Variants in DLGAP2 observed in about 807,000 individuals in gnomAD.
DLGAP2 encodes DLG associated protein 2, also known as disks large-associated protein 2.
In DLGAP2, 26 loss-of-function variants were observed where a neutral mutation model predicts 100.3. The ratio of observed to expected loss-of-function variants is 0.26; its 90% CI spans 0.19 to 0.36. The LOEUF is 0.36. DLGAP2 is among the 10% of genes least tolerant of loss of function. The probability of loss-of-function intolerance (pLI) is 1.00; values close to 1 mark genes in which losing one functional copy is unlikely to be tolerated. For missense variants in DLGAP2, 1,858 were observed against 1,453.2 expected (o/e 1.28, Z -4.53); for synonymous variants, 886 against 630.1 (o/e 1.41, Z -6.08).
chr8:1,033,858 T>C (rs377636363), intron 2 of DLGAP2, among the ~76,000 whole-genome samples: 3 of 115,168 alleles, frequency 2.6e-5, no homozygotes, highest in Admixed American at 9.1e-5. Context: ...TCACCGCGAG[T>C]GGGTTCACAG....
At chr8:999,671 G>A (rs567535377) in intron 2 of DLGAP2, among the ~76,000 whole-genome samples, 10 of 151,984 alleles carry the variant, frequency 6.6e-5, no homozygotes, top group Non-Finnish European at 1.2e-4. Context: ...AGTAGAAATG[G>A]GGTTTCACCA....
At chr8:1,243,647 G>A (rs924027347) in intron 2 of DLGAP2, among the ~76,000 whole-genome samples, 3 of 151,932 alleles carry the variant, frequency 2.0e-5, no homozygotes, top group Admixed American at 6.6e-5. Flanking sequence ...TTCATGGCAC[G>A]GTTCCCATGT....
chr8:1,373,845 G>C (rs896571792), intron 3 of DLGAP2: 1 of 152,278 alleles, frequency 6.6e-6, no homozygotes, highest in Non-Finnish European at 1.5e-5. Flanking sequence ...GGTCATATGT[G>C]TATCACAGAC....
chr8:1,387,565 C>G (rs1396015970), intron 3 of DLGAP2, among the ~76,000 whole-genome samples: 1 of 152,180 alleles, frequency 6.6e-6, no homozygotes, highest in Non-Finnish European at 1.5e-5. Context: ...CGCCACTGAA[C>G]TGCACCACTG....
At chr8:1,332,209 T>A (rs1801173023) in intron 3 of DLGAP2, among the ~76,000 whole-genome samples, 2 of 152,148 alleles carry the variant, frequency 1.3e-5, no homozygotes, top group African/African-American at 4.8e-5. Context: ...ATTGTGTGCT[T>A]GTGATGGTTT....
intron 2 of DLGAP2, among the ~76,000 whole-genome samples, chr8:1,145,810 G>A (rs1477268534): frequency 7.5e-6 from 1 of 133,558 alleles, no homozygotes; most frequent in Non-Finnish European, 1.5e-5. Context: ...TCCCCTTCCT[G>A]TGTCCATGTG....
chr8:1,256,148 C>CG (rs1799206623), intron 2 of DLGAP2, among the ~76,000 whole-genome samples: 1 of 116,794 alleles, frequency 8.6e-6, no homozygotes, highest in Admixed American at 8.4e-5. Flanking sequence ...CCTCTCATGC[C>CG]TGGGTGCTGT....
At chr8:1,568,595 T>C (rs1418507899) in intron 6 of DLGAP2, among the ~76,000 whole-genome samples, 1 of 133,776 alleles carries the variant, frequency 7.5e-6, no homozygotes, top group African/African-American at 2.9e-5. Context: ...TCTCTGCCCG[T>C]GGCCCCCATG....
chr8:1,495,255 C>T (rs1023746732), intron 3 of DLGAP2, among the ~76,000 whole-genome samples: 3 of 152,084 alleles, frequency 2.0e-5, no homozygotes, highest in African/African-American at 4.8e-5. Flanking sequence ...GCAGGAGAAG[C>T]GACACCAGAC....
intron 4 of DLGAP2, among the ~76,000 whole-genome samples, chr8:1,511,199 G>A (rs570612369): frequency 1.1e-4 from 16 of 151,648 alleles, no homozygotes; most frequent in Non-Finnish European, 1.6e-4. Flanking sequence ...TTCCATGGAC[G>A]TAAGTGCTGT....
chr8:1,288,569 G>A (rs1410821420), intron 3 of DLGAP2, among the ~76,000 whole-genome samples: 2 of 129,004 alleles, frequency 1.6e-5, no homozygotes, highest in African/African-American at 6.2e-5. Flanking sequence ...TGGTTAGGAG[G>A]GGAACTAGTT....
At chr8:853,696 T>C (rs897193898) in intron 1 of DLGAP2, among the ~76,000 whole-genome samples, 9 of 152,240 alleles carry the variant, frequency 5.9e-5, no homozygotes, top group African/African-American at 1.9e-4. Flanking sequence ...TGCACAGGCT[T>C]AACTACTTTA....
At chr8:1,430,986 A>G (rs1467344240) in intron 3 of DLGAP2, among the ~76,000 whole-genome samples, 1 of 152,196 alleles carries the variant, frequency 6.6e-6, no homozygotes, top group Non-Finnish European at 1.5e-5. Context: ...CAAGTCTCCT[A>G]TTTACAAGAT....
chr8:784,895 T>C (rs555381380), intron 1 of DLGAP2, among the ~76,000 whole-genome samples: 59 of 152,256 alleles, frequency 3.9e-4, no homozygotes, highest in African/African-American at 1.4e-3. Context: ...AAGTTTCTTA[T>C]TTTACAGCCA....
At chr8:1,165,909 TAAC>T (rs1797005630) in intron 2 of DLGAP2, among the ~76,000 whole-genome samples, 1 of 152,190 alleles carries the variant, frequency 6.6e-6, no homozygotes, top group South Asian at 2.1e-4. Context: ...TTTAAGATAA[TAAC>T]AGATTTTGTT....
Position 1,706,692 on chromosome 8 carries a change from A to G in DLGAP2, c.*5286A>G, listed in dbSNP as rs1463211939. On this transcript the variant is annotated 3_prime_UTR_variant, in exon 15 of 15. Transcript: ENST00000637795. ...TAAGCTCAATCGCCTCTTAGATGAA[A>G]TGAGGAGATAAACTAAACATTAAAA... is the stretch of plus-strand genomic sequence containing the variant. The G allele has an allele frequency of 6.6e-6, 1 of 152,216 alleles. No homozygotes were observed. The highest frequency in any genetic ancestry group is 1.5e-5 in the Non-Finnish European group (1 of 68,042). 9.4% of individuals were successfully genotyped at this position (152,216 alleles called of 1,614,324 possible). A position where few individuals can be genotyped will look rare whatever the true frequency, so the allele number is the denominator to read the frequency against.
intron 2 of DLGAP2, among the ~76,000 whole-genome samples, chr8:947,496 C>T (rs1368994824): frequency 6.6e-6 from 1 of 152,208 alleles, no homozygotes; most frequent in Non-Finnish European, 1.5e-5. Context: ...GGCTGTGTTC[C>T]AGTAAGATGT....
At chr8:1,318,210 A>G (rs1358290324) in intron 3 of DLGAP2, among the ~76,000 whole-genome samples, 1 of 152,142 alleles carries the variant, frequency 6.6e-6, no homozygotes. Flanking sequence ...GCTGCTTTTC[A>G]TTTCTTTGCA....
Position 1,316,292 on chromosome 8 carries a change from A to C in DLGAP2, c.106+57409A>C, listed in dbSNP as rs1441190719. Among the ~76,000 whole-genome samples the C allele has an allele frequency of 1.4e-3, 183 of 129,856 alleles. 2 individuals are homozygous for C. Among genetic ancestry groups the C allele is most frequent in the Non-Finnish European group, 2.0e-3 (122 of 60,284 alleles). The allele number at this position is 129,856 out of a possible 152,430, so 85.2% of individuals were successfully genotyped here. On this transcript the variant is annotated intron_variant, in intron 3 of 14. Coordinates refer to ENST00000637795, the MANE Select transcript of DLGAP2 (RefSeq NM_001346810.2). Reference sequence around the variant, plus strand: ...GCGTGTGCGAGTGCAGCGTCTCTCCAACAGTGGTCTACACTCGAGAAACTT... The same window carrying C: ...GCGTGTGCGAGTGCAGCGTCTCTCCCACAGTGGTCTACACTCGAGAAACTT...
Sources: gnomAD v4.1 joint callset for allele counts (sites outside exome capture counted in the v4.1 genomes callset) on GRCh38, gnomAD v4.1.1 for gene constraint, MANE v1.5 for transcripts, NCBI Gene and HGNC (gene_info 2026-07-23, HGNC 2026-07-21) for gene names.